The following AKAP1 variants were observed in gnomAD, a reference collection of about 807,000 sequenced individuals.
The protein encoded by AKAP1 is A-kinase anchor protein 1, mitochondrial.
In AKAP1, 32 loss-of-function variants were observed where a neutral mutation model predicts 79.8. The observed-to-expected ratio is 0.40, with a 90% confidence interval of 0.30 to 0.54. The LOEUF (loss-of-function observed/expected upper bound fraction) is 0.54, where lower values mean the gene tolerates loss of function less well. Ranked by LOEUF, AKAP1 falls within the 20% of genes least tolerant of loss-of-function variation. The pLI is 0.47. For missense variants in AKAP1, 961 were observed against 1,138.9 expected, an observed-to-expected ratio of 0.84 and a Z score of 2.25; for synonymous variants, 416 against 466.7, an observed-to-expected ratio of 0.89 and a Z score of 1.40.
rs1361930359 is a variant in AKAP1 at position 57,105,894 on chromosome 17, C to A, written c.430C>A (p.Pro144Thr). ...ALTGGEAKSI[P>T]LECPLSSPKG... Reference sequence around the variant, plus strand: ...GACAGGTGGTGAAGCCAAATCGATTCCTCTAGAGTGCCCCCTTTCATCCCC... The same window carrying A: ...GACAGGTGGTGAAGCCAAATCGATTACTCTAGAGTGCCCCCTTTCATCCCC... The change falls in exon 2 of 11, where the codon CCT (proline) becomes ACT (threonine). Residue 144 changes from proline to threonine, a missense_variant. By Grantham distance (38) the Pro-to-Thr change is conservative. Coordinates refer to ENST00000337714, the MANE Select transcript of AKAP1 (RefSeq NM_003488.4). 2 of 1,614,216 alleles carry A rather than the reference C, an allele frequency of 1.2e-6. No individual in the cohort carries two copies. The highest frequency in any genetic ancestry group is 2.2e-5 in the South Asian group (2 of 91,084).
chr17:57,120,217 G>T (rs1201100466), intron 10 of AKAP1, 33 bp from the exon 11 acceptor site: 1 of 1,601,572 alleles, frequency 6.2e-7, no homozygotes, highest in Non-Finnish European at 8.5e-7. Flanking sequence ...AGGATGCCAT[G>T]GACAAAAGCT....
chr17:57,106,270 G>A lies in AKAP1; in HGVS notation c.806G>A (p.Ser269Asn). 1 of 1,614,202 alleles carries A rather than the reference G, an allele frequency of 6.2e-7. No homozygotes were observed. Among genetic ancestry groups the A allele is most frequent in the South Asian group, 1.1e-5 (1 of 91,088 alleles). ...EEEYVAEKLP[S>N]RFIESAHTEL... ...GAGTATGTAGCAGAGAAGTTGCCAA[G>A]TAGGTTCATCGAGTCGGCTCACACA... Residue 269 changes from serine to asparagine, a missense_variant, in exon 2 of 11, where the codon AGT becomes AAT. Physicochemically the swap from Ser to Asn is conservative, Grantham distance 46 (BLOSUM62 1). This residue lies in a region of AKAP1 where 224 missense variants were observed against 210.2 expected (regional missense o/e 1.07). Coordinates refer to ENST00000337714, the MANE Select transcript of AKAP1 (RefSeq NM_003488.4).
At chr17:57,090,100 G>A (rs1267032777) in intron 1 of AKAP1, among the ~76,000 whole-genome samples, 1 of 152,144 alleles carries the variant, frequency 6.6e-6, no homozygotes, top group Non-Finnish European at 1.5e-5. Context: ...GAAGGTGTTG[G>A]GGGAGAGTGG....
intron 1 of AKAP1, chr17:57,095,958 A>G (rs1390631401): frequency 6.6e-6 from 1 of 152,190 alleles, no homozygotes; most frequent in Non-Finnish European, 1.5e-5. Flanking sequence ...GTGAGGGGCA[A>G]GGTGAGTGTG....
intron 1 of AKAP1, among the ~76,000 whole-genome samples, chr17:57,100,461 A>G (rs1002633314): frequency 1.4e-4 from 21 of 150,176 alleles, no homozygotes; most frequent in African/African-American, 4.7e-4. Context: ...ACACACACAC[A>G]CAAACATTAG....
rs373194208 is a variant in AKAP1 at position 57,116,233 on chromosome 17, G to C, written c.2404G>C (p.Val802Leu). ...RYVDYGGYKRVKVDVLRQIRS... is the reference protein window; with the variant it reads ...RYVDYGGYKRLKVDVLRQIRS... Reference sequence around the variant, plus strand: ...CGTGGACTACGGCGGATATAAGAGGGTGAAAGTAGACGTGCTCCGGCAAAT... The same window carrying C: ...CGTGGACTACGGCGGATATAAGAGGCTGAAAGTAGACGTGCTCCGGCAAAT... The change falls in exon 7 of 11, where the codon GTG becomes CTG. Residue 802 changes from valine to leucine, a missense_variant. Around this residue, in one of 3 missense-constraint regions of AKAP1, gnomAD observed 629 missense variants for 781.1 expected, o/e 0.81. Transcript: ENST00000337714. 2.8e-5 allele frequency: 45 copies of C among 1,614,204 alleles called. No homozygotes were observed. Among genetic ancestry groups the C allele is most frequent in the Admixed American group, 1.8e-4 (11 of 60,026 alleles).
At position 57,105,976 on chromosome 17, in the gene AKAP1, TCAG is replaced by T. The variant is rs1475563339; in HGVS notation, c.516_518del (p.Ser172del). ...GAGGTGTGTAAGCAAGATTCCCCCTTCAGCAGGGTGCCAAGGAAGGTCCAGCCA... is the reference window on the plus strand; with the variant it reads ...GAGGTGTGTAAGCAAGATTCCCCCTTCAGGGTGCCAAGGAAGGTCCAGCCA... On this transcript the variant is annotated inframe_deletion, in exon 2 of 11. Coordinates refer to ENST00000337714, the MANE Select transcript of AKAP1 (RefSeq NM_003488.4). 6.2e-7 allele frequency: 1 copy of T among 1,614,056 alleles called. No homozygotes were observed. The highest frequency in any genetic ancestry group is 8.5e-7 in the Non-Finnish European group (1 of 1,180,034).
At chr17:57,114,951 T>C (rs1915489328) in intron 6 of AKAP1, among the ~76,000 whole-genome samples, 3 of 152,042 alleles carry the variant, frequency 2.0e-5, no homozygotes, top group Admixed American at 1.3e-4. Flanking sequence ...CACCTATTTA[T>C]TATCTGTTAA....
At position 57,116,041 on chromosome 17, in the gene AKAP1, A is replaced by G. The variant is rs1364614966; in HGVS notation, c.2282-70A>G. 6.4e-6 allele frequency: 10 copies of G among 1,557,016 alleles called. No individual in the cohort carries two copies. The East Asian group carries it at 2.3e-4, about 35-fold the overall frequency. On this transcript the variant is annotated intron_variant, in intron 6 of 10. Transcript: ENST00000337714. ...TGAGAGGTAACGCAGGGAGGTGGGT[A>G]GTGGCCAGGTGGCCCTTGGTGCCCT...
Position 57,111,893 on chromosome 17 carries a change from C to A in AKAP1, c.1944C>A (p.Tyr648Ter). 6.2e-7 allele frequency: 1 copy of A among 1,614,126 alleles called. No individual in the cohort carries two copies. The highest frequency in any genetic ancestry group is 8.5e-7 in the Non-Finnish European group (1 of 1,180,016). ...AGATCTACATTTCAACCCTGCCTTA[C>A]ACCCAGAGCGTCCAGATCTGCCACA... ...GAKIYISTLPYTQSVQICHIE... is the reference protein window; with the variant it reads ...GAKIYISTLP The change falls in exon 4 of 11, where the codon TAC becomes TAA. Residue 648 changes from tyrosine (Y) to a stop codon, truncating the protein, a stop_gained. Coordinates refer to ENST00000337714, the MANE Select transcript of AKAP1 (RefSeq NM_003488.4). LOFTEE classifies it high-confidence loss of function.
At chr17:57,101,987 T>G (rs1188336008) in intron 1 of AKAP1, among the ~76,000 whole-genome samples, 4 of 152,218 alleles carry the variant, frequency 2.6e-5, no homozygotes, top group Non-Finnish European at 5.9e-5. Flanking sequence ...GTAACATCGG[T>G]ATGTCAGTGG....
At chr17:57,118,344 G>T (rs1915713774) in intron 8 of AKAP1, 37 bp from the exon 9 acceptor site, 1 of 1,606,214 alleles carries the variant, frequency 6.2e-7, no homozygotes, top group Admixed American at 1.7e-5. Flanking sequence ...TTGCCTCAGT[G>T]AGAGCCTAAA....
At chr17:57,091,875 A>T (rs1020086584) in intron 1 of AKAP1, among the ~76,000 whole-genome samples, 2 of 151,828 alleles carry the variant, frequency 1.3e-5, no homozygotes, top group Admixed American at 1.3e-4. Flanking sequence ...TTTTTTTTGT[A>T]GTGATGGGGT....
At chr17:57,088,525 C>A (rs1913593528) in intron 1 of AKAP1, among the ~76,000 whole-genome samples, 1 of 152,172 alleles carries the variant, frequency 6.6e-6, no homozygotes, top group South Asian at 2.1e-4. Context: ...CAGTGGCTGT[C>A]ACACAAATTC....
At chr17:57,088,007 C>A (rs1913565367) in intron 1 of AKAP1, among the ~76,000 whole-genome samples, 1 of 152,134 alleles carries the variant, frequency 6.6e-6, no homozygotes, top group South Asian at 2.1e-4. Flanking sequence ...TGAGTTAATA[C>A]CTTCAGCTTG....
At chr17:57,102,738 C>CT (rs1914602778) in intron 1 of AKAP1, among the ~76,000 whole-genome samples, 1 of 152,158 alleles carries the variant, frequency 6.6e-6, no homozygotes, top group Admixed American at 6.5e-5. Context: ...TCTGAAAGTG[C>CT]TAGGATTATA....
intron 1 of AKAP1, among the ~76,000 whole-genome samples, chr17:57,089,352 A>G (rs1384100345): frequency 6.6e-6 from 1 of 152,140 alleles, no homozygotes; most frequent in African/African-American, 2.4e-5. Context: ...AATATTTTTT[A>G]TTTTTAAAGA....
At chr17:57,107,846 A>T in intron 2 of AKAP1, 1 of 729,118 alleles carries the variant, frequency 1.4e-6, no homozygotes, top group Non-Finnish European at 2.1e-6. Context: ...GTAAGTGCCC[A>T]AAGAACGGCC....
intron 1 of AKAP1, among the ~76,000 whole-genome samples, chr17:57,104,330 G>GCAGA (rs1914711355): frequency 6.6e-6 from 1 of 152,154 alleles, no homozygotes; most frequent in Non-Finnish European, 1.5e-5. Context: ...TGTGTGCCTT[G>GCAGA]CAGACCTATG....
Sources: gnomAD v4.1 joint callset for allele counts (sites outside exome capture counted in the v4.1 genomes callset) on GRCh38, gnomAD v4.1.1 for gene constraint, gnomAD v4.1.1 regional missense constraint, MANE v1.5 for transcripts, NCBI Gene and HGNC (gene_info 2026-07-23, HGNC 2026-07-21) for gene names.